ZNF546: variants seen among roughly 807,000 people sequenced by gnomAD.
ZNF546 encodes the protein CTC-471F3.6.
A neutral mutation model predicts 76.2 loss-of-function variants in ZNF546; 60 were observed. That is an observed-to-expected ratio of 0.79 (90% confidence interval 0.64 to 0.98). The LOEUF (loss-of-function observed/expected upper bound fraction) is 0.98. Ranked by LOEUF, ZNF546 falls within the 50% of genes least tolerant of loss-of-function variation. The probability of loss-of-function intolerance (pLI) is 0.00; values close to 1 mark genes in which losing one functional copy is unlikely to be tolerated. For missense variants in ZNF546, 936 were observed against 1,035.6 expected (o/e 0.90, Z 1.32); for synonymous variants, 277 against 328.1 (o/e 0.84, Z 1.68).
At chr19:40,004,072 A>AAT (rs532689473) in intron 3 of ZNF546, among the ~76,000 whole-genome samples, 22 of 129,486 alleles carry the variant, frequency 1.7e-4, no homozygotes, top group East Asian at 1.5e-3. Context: ...ATAATATATA[A>AAT]ATATATATAT....
Position 40,014,608 on chromosome 19 carries a change from T to A in ZNF546, c.1338T>A (p.Cys446Ter). 1 of 1,613,564 alleles carries A rather than the reference T, an allele frequency of 6.2e-7. No individual in the cohort carries two copies. The highest frequency in any genetic ancestry group is 8.5e-7 in the Non-Finnish European group (1 of 1,179,724). Reference sequence around the variant, plus strand: ...AGAAACCCTATGAATGTAGAGAATGTGGAAAAGCCTTTCGTCTTCAAACGG... The same window carrying A: ...AGAAACCCTATGAATGTAGAGAATGAGGAAAAGCCTTTCGTCTTCAAACGG... Reference protein sequence around the residue: ...TGEKPYECRECGKAFRLQTEL... With the variant: ...TGEKPYECRE Residue 446 changes from cysteine (C) to a stop codon, truncating the protein, a stop_gained, in exon 7 of 7, where the codon TGT becomes TGA. Transcript: ENST00000347077. LOFTEE classifies it high-confidence loss of function.
rs894512590 is a variant in ZNF546, at chr19:40,005,664, A to G, written c.85-432A>G. Among the ~76,000 whole-genome samples the G allele has an allele frequency of 8.5e-5, 13 of 152,114 alleles. 1 individual carries two copies. In the East Asian group the frequency reaches 1.7e-3, roughly 20 times the overall value. On this transcript the variant is annotated intron_variant, in intron 3 of 6. Coordinates refer to ENST00000347077, the MANE Select transcript of ZNF546 (RefSeq NM_178544.5). The stretch of plus-strand genomic sequence containing the variant: ...ATTCTGGGCTTCAGAGGCAAAAGCC[A>G]GAGTTGAGAGCAAGACCCTGTCTCC...
intron 3 of ZNF546, among the ~76,000 whole-genome samples, chr19:40,002,904 T>C (rs2144638500): frequency 6.6e-6 from 1 of 152,258 alleles, no homozygotes; most frequent in Non-Finnish European, 1.5e-5. Context: ...TTCACTATAT[T>C]GGCCAGGCTG....
chr19:40,014,503 A>T lies in ZNF546; in HGVS notation c.1233A>T (p.Lys411Asn). The T allele has an allele frequency of 5.0e-6, 8 of 1,613,390 alleles. No homozygotes were observed. The highest frequency in any genetic ancestry group is 6.8e-6 in the Non-Finnish European group (8 of 1,179,826). The change falls in exon 7 of 7, where the codon AAA (lysine) becomes AAT (asparagine). Residue 411 changes from lysine (K) to asparagine (N), a missense_variant. Transcript: ENST00000347077. ...VQHQKIHTGEKPYECKECGKS... is the reference protein window; with the variant it reads ...VQHQKIHTGENPYECKECGKS... The stretch of plus-strand genomic sequence containing the variant: ...ATCAGAAAATTCATACTGGTGAAAA[A>T]CCCTACGAATGTAAAGAATGTGGTA...
chr19:40,015,375 T>C lies in ZNF546; in HGVS notation c.2105T>C (p.Phe702Ser), dbSNP rs1395807554. ...ATATGTAATGAATGTGGGAATGCTT[T>C]TATTTGCAGTTATCGACTTACATTA... ...PYICNECGNA[F>S]ICSYRLTLHQ... Residue 702 changes from phenylalanine to serine, a missense_variant, in exon 7 of 7, where the codon TTT becomes TCT. Coordinates refer to ENST00000347077, the MANE Select transcript of ZNF546 (RefSeq NM_178544.5). 2.5e-6 allele frequency: 4 copies of C among 1,614,104 alleles called. No homozygotes were observed. Among genetic ancestry groups the C allele is most frequent in the Non-Finnish European group, 3.4e-6 (4 of 1,180,044 alleles).
rs11083545 is a variant in ZNF546, at chr19:40,001,085, G to A, written c.84+2675G>A. On this transcript the variant is annotated intron_variant, in intron 3 of 6. Coordinates refer to ENST00000347077, the MANE Select transcript of ZNF546 (RefSeq NM_178544.5). ...ACATGGTCAGTTCATAATAGGGTTCGCACTCCTATGAAAATCTAATGCTGC... is the reference window on the plus strand; with the variant it reads ...ACATGGTCAGTTCATAATAGGGTTCACACTCCTATGAAAATCTAATGCTGC... 6.8e-3 allele frequency among the ~76,000 whole-genome samples: 1,031 copies of A among 152,094 alleles called. 5 individuals are homozygous for A. The highest frequency in any genetic ancestry group is 0.012 in the Non-Finnish European group (796 of 67,994).
rs929123801 is a variant in ZNF546, at chr19:40,015,298, G to A, written c.2028G>A (p.Arg676=). 4 of 1,612,980 alleles carry A rather than the reference G, an allele frequency of 2.5e-6. No homozygotes were observed. In the African/African-American group the frequency reaches 5.4e-5, roughly 22 times the overall value. ...ECTECGKTFS[R]HYHLTQHHRG... is the part of the protein sequence containing the mutation. Reference sequence around the variant, plus strand: ...CGGAATGTGGGAAGACGTTTAGTCGGCACTATCATCTTACTCAACATCACA... The same window carrying A: ...CGGAATGTGGGAAGACGTTTAGTCGACACTATCATCTTACTCAACATCACA... The change falls in exon 7 of 7, where the codon CGG becomes CGA. Residue 676 remains arginine (R), a synonymous_variant. Coordinates refer to ENST00000347077, the MANE Select transcript of ZNF546 (RefSeq NM_178544.5).
chr19:40,003,474 A>C (rs2144639264), intron 3 of ZNF546, among the ~76,000 whole-genome samples: 1 of 152,310 alleles, frequency 6.6e-6, no homozygotes, highest in African/African-American at 2.4e-5. Context: ...GTTAGATTCA[A>C]AGTGAGGCTA....
chr19:39,997,545 G>A (rs1429019465), intron 1 of ZNF546, among the ~76,000 whole-genome samples: 1 of 152,224 alleles, frequency 6.6e-6, no homozygotes, highest in African/African-American at 2.4e-5. Context: ...ACAGACCTGG[G>A]TTGGCGATTG....
rs1299579968 is a variant in ZNF546, at chr19:40,017,315, C to T, written c.*1534C>T. The T allele has an allele frequency of 1.3e-5, 2 of 152,120 alleles. No homozygotes were observed. The highest frequency in any genetic ancestry group is 2.9e-5 in the Non-Finnish European group (2 of 68,026). 9.4% of individuals were successfully genotyped at this position (152,120 alleles called of 1,614,324 possible). On this transcript the variant is annotated 3_prime_UTR_variant, in exon 7 of 7. Transcript: ENST00000347077. ...TAACCCAAAAAGCAGGTATGTCAGT[C>T]GCTTTTTCTGCCCACAATGATAAAT...
rs1277002181 is a variant in ZNF546, at chr19:40,014,634, A to G, written c.1364A>G (p.Glu455Gly). ...GGAAAAGCCTTTCGTCTTCAAACGGAACTTACTCGGCATCATAGAACTCAT... is the reference window on the plus strand; with the variant it reads ...GGAAAAGCCTTTCGTCTTCAAACGGGACTTACTCGGCATCATAGAACTCAT... ...ECGKAFRLQT[E>G]LTRHHRTHTG... is the part of the protein sequence containing the mutation. The change falls in exon 7 of 7, where the codon GAA (glutamate) becomes GGA (glycine). Residue 455 changes from glutamate (E) to glycine (G), a missense_variant. Glu to Gly is a moderately conservative substitution (Grantham distance 98). Coordinates refer to ENST00000347077, the MANE Select transcript of ZNF546 (RefSeq NM_178544.5). 6.2e-7 allele frequency: 1 copy of G among 1,613,352 alleles called. No individual in the cohort carries two copies. Among genetic ancestry groups the G allele is most frequent in the Non-Finnish European group, 8.5e-7 (1 of 1,179,690 alleles).
intron 2 of ZNF546, 112 bp from the exon 3 acceptor site, chr19:39,998,136 T>A: frequency 1.8e-6 from 1 of 567,644 alleles, no homozygotes; most frequent in Non-Finnish European, 3.1e-6. Context: ...TTGAAGAAGT[T>A]CATTTGATTC....
chr19:40,011,027 T>G (rs1217658853), intron 6 of ZNF546, among the ~76,000 whole-genome samples: 2 of 152,158 alleles, frequency 1.3e-5, no homozygotes, highest in Non-Finnish European at 2.9e-5. Context: ...TTATTGGGTT[T>G]TGAGAGTCCC....
At position 39,998,450 on chromosome 19, in the gene ZNF546, T is replaced by C. The variant is rs1386367415; in HGVS notation, c.84+40T>C. The C allele has an allele frequency of 2.6e-6, 4 of 1,521,528 alleles. No homozygotes were observed. In the South Asian group the frequency reaches 4.5e-5, roughly 17 times the overall value. 94.3% of individuals were successfully genotyped at this position (1,521,528 alleles called of 1,614,324 possible). ...ATCCTGGAGTCTAAAGTTAAAACTT[T>C]GTTTTATTGAGATTAATGTTTAGGT... On this transcript the variant is annotated intron_variant, in intron 3 of 6. Transcript: ENST00000347077.
In ZNF546 at chr19:40,014,373, TACA is replaced by T. The variant is rs1182225213; in HGVS notation, c.1106_1108del (p.Gln369del). 1.2e-6 allele frequency: 2 copies of T among 1,613,470 alleles called. No individual in the cohort carries two copies. The highest frequency in any genetic ancestry group is 2.7e-5 in the African/African-American group (2 of 74,730). On this transcript the variant is annotated inframe_deletion, in exon 7 of 7. Coordinates refer to ENST00000347077, the MANE Select transcript of ZNF546 (RefSeq NM_178544.5). ...AAGGTTTGTGGCAAGACCTTTAGGG[TACA>T]ACGACATATTAGTCAACATCAGAAA...
chr19:40,014,227 T>C lies in ZNF546; in HGVS notation c.957T>C (p.His319=), dbSNP rs1971716056. 6.2e-7 allele frequency: 1 copy of C among 1,613,532 alleles called. No homozygotes were observed. Among genetic ancestry groups the C allele is most frequent in the Admixed American group, 1.7e-5 (1 of 59,998 alleles). ...AFSRVRDLRV[H]QTIHAGERPY... is the part of the protein sequence containing the mutation. ...GTCGTGTTAGAGACCTTAGAGTACA[T>C]CAGACAATTCATGCTGGAGAGAGAC... The change falls in exon 7 of 7, where the codon CAT becomes CAC. Residue 319 remains histidine (H), a synonymous_variant. Coordinates refer to ENST00000347077, the MANE Select transcript of ZNF546 (RefSeq NM_178544.5).
rs1971839334 is a variant in ZNF546, at chr19:40,020,373, T to G, written c.*4592T>G. On this transcript the variant is annotated 3_prime_UTR_variant, in exon 7 of 7. Transcript: ENST00000347077. Reference sequence around the variant, plus strand: ...TCATTGCTCAACATTTGCAAATTATTTTTACAAATAACAATAATTGGATGT... The same window carrying G: ...TCATTGCTCAACATTTGCAAATTATGTTTACAAATAACAATAATTGGATGT... The G allele has an allele frequency of 6.6e-6, 1 of 152,178 alleles. No homozygotes were observed. Among genetic ancestry groups the G allele is most frequent in the Admixed American group, 6.5e-5 (1 of 15,274 alleles). 9.4% of individuals were successfully genotyped at this position (152,178 alleles called of 1,614,324 possible). A position where few individuals can be genotyped will look rare whatever the true frequency, so the allele number is the denominator to read the frequency against.
Position 40,015,759 on chromosome 19 carries a change from AG to A in ZNF546, c.2491del (p.Glu831LysfsTer5). The A allele has an allele frequency of 6.2e-7, 1 of 1,612,574 alleles. No individual in the cohort carries two copies. The highest frequency in any genetic ancestry group is 8.5e-7 in the Non-Finnish European group (1 of 1,178,938). On this transcript the variant is annotated frameshift_variant, in exon 7 of 7. Coordinates refer to ENST00000347077, the MANE Select transcript of ZNF546 (RefSeq NM_178544.5). LOFTEE classifies it high-confidence loss of function. ...LTLHQRNHIS[E>X]EVLCIM is the part of the protein sequence containing the mutation. Reference sequence around the variant, plus strand: ...TTACATCAGAGAAATCATATTAGTGAGGAAGTCCTATGCATAATGTAAAGAG... The same window carrying A: ...TTACATCAGAGAAATCATATTAGTGAGAAGTCCTATGCATAATGTAAAGAG...
chr19:40,004,019 T>A (rs149151102), intron 3 of ZNF546, among the ~76,000 whole-genome samples: 14,941 of 138,496 alleles, frequency 0.11, 835 homozygotes, highest in African/African-American at 0.15. Flanking sequence ...CTCAAAAAAA[T>A]ATATATATAT....
Sources: gnomAD v4.1 joint callset for allele counts (sites outside exome capture counted in the v4.1 genomes callset) on GRCh38, gnomAD v4.1.1 for gene constraint, MANE v1.5 for transcripts, NCBI Gene and HGNC (gene_info 2026-07-23, HGNC 2026-07-21) for gene names.